The following OTUD7A variants were observed in gnomAD, a reference collection of about 807,000 sequenced individuals.
The protein encoded by OTUD7A is OTU deubiquitinase 7A, also known as OTU domain-containing protein 7A.
In OTUD7A, 12 loss-of-function variants were observed where a neutral mutation model predicts 65.7. The ratio of observed to expected loss-of-function variants is 0.18; its 90% confidence interval spans 0.12 to 0.30. The LOEUF (loss-of-function observed/expected upper bound fraction) is 0.30, where lower values mean the gene tolerates loss of function less well. Ranked by LOEUF, OTUD7A falls within the 10% of genes least tolerant of loss-of-function variation. OTUD7A has a pLI of 1.00. For synonymous variants in OTUD7A, 641 were observed against 586.3 expected (o/e 1.09, Z -1.35); for missense variants, 1,148 against 1,304.8 (o/e 0.88, Z 1.85).
intron 1 of OTUD7A, among the ~76,000 whole-genome samples, chr15:31,736,004 A>T (rs1204364108): frequency 6.6e-6 from 1 of 152,210 alleles, no homozygotes; most frequent in Non-Finnish European, 1.5e-5. Context: ...AGTGGGAGCT[A>T]AATGATGAGA....
intron 3 of OTUD7A, among the ~76,000 whole-genome samples, chr15:31,575,849 A>G (rs1889188591): frequency 6.6e-6 from 1 of 152,350 alleles, no homozygotes; most frequent in East Asian, 1.9e-4. Context: ...TAGTCCGTGA[A>G]GGGCATTAGT....
Position 31,483,445 on chromosome 15 carries a change from T to G in OTUD7A, c.2651A>C (p.Glu884Ala). The change falls in exon 13 of 13, where the codon GAG (glutamate) becomes GCG (alanine). Residue 884 changes from glutamate (E) to alanine (A), a missense_variant. Physicochemically the swap from Glu to Ala is moderately radical, Grantham distance 107 (BLOSUM62 -1). Around this residue, in one of 6 missense-constraint regions of OTUD7A, gnomAD observed 842 missense variants for 769.5 expected, o/e 1.09. Transcript: ENST00000307050. ...CGGCCCCGGGCCGCCACGGCCGCAC[T>G]CACCGTTCGAGCGCGCGGTCGGCGC... ...ADAPTARSNG[E>A]CGRGGPGPVQ... is the part of the protein sequence containing the mutation. 1.4e-6 allele frequency: 2 copies of G among 1,381,408 alleles called. No individual in the cohort carries two copies. The highest frequency in any genetic ancestry group is 1.9e-6 in the Non-Finnish European group (2 of 1,068,022). The allele number at this position is 1,381,408 out of a possible 1,614,324, so 85.6% of individuals were successfully genotyped here.
chr15:31,575,823 G>A (rs898507480), intron 3 of OTUD7A, among the ~76,000 whole-genome samples: 2 of 152,216 alleles, frequency 1.3e-5, no homozygotes, highest in African/African-American at 4.8e-5. Context: ...ACAAGCGGGA[G>A]GCAGAGAGCT....
Position 31,698,379 on chromosome 15 carries a change from TCTC to T in OTUD7A, c.-99-41305_-99-41303del, listed in dbSNP as rs140689081. ...AGAGTCATCCCTCCACCCCAGCTCTTCTCCTTCCAGTTCACCCAACCCATGTGG... is the reference window on the plus strand; with the variant it reads ...AGAGTCATCCCTCCACCCCAGCTCTTCTTCCAGTTCACCCAACCCATGTGG... On this transcript the variant is annotated intron_variant, in intron 1 of 12. Coordinates refer to ENST00000307050, the MANE Select transcript of OTUD7A (RefSeq NM_001382637.1). 6.2e-3 allele frequency among the ~76,000 whole-genome samples: 949 copies of T among 152,222 alleles called. 11 individuals are homozygous for T. Among genetic ancestry groups the T allele is most frequent in the African/African-American group, 0.022 (904 of 41,538 alleles).
intron 3 of OTUD7A, among the ~76,000 whole-genome samples, chr15:31,645,616 C>T (rs1430824141): frequency 6.6e-6 from 1 of 152,142 alleles, no homozygotes; most frequent in Non-Finnish European, 1.5e-5. Flanking sequence ...AGTAGTTATT[C>T]TTTAATATCA....
chr15:31,753,984 A>C (rs535247645), intron 1 of OTUD7A, among the ~76,000 whole-genome samples: 1 of 151,998 alleles, frequency 6.6e-6, no homozygotes, highest in South Asian at 2.1e-4. Context: ...TCCCACCAGC[A>C]GTGTAGAAGT....
At chr15:31,803,799 G>C (rs1896196305) in intron 1 of OTUD7A, among the ~76,000 whole-genome samples, 1 of 152,194 alleles carries the variant, frequency 6.6e-6, no homozygotes, top group African/African-American at 2.4e-5. Flanking sequence ...AAACAGCCCT[G>C]GTGGGGTAGG....
intron 1 of OTUD7A, among the ~76,000 whole-genome samples, chr15:31,850,574 T>TAAAG (rs35621407): frequency 6.6e-6 from 1 of 150,520 alleles, no homozygotes; most frequent in Non-Finnish European, 1.5e-5. Flanking sequence ...ATAATAATAA[T>TAAAG]AAAGAAAGAA....
Position 31,860,622 on chromosome 15 carries a change from G to GATAAATATACAT in OTUD7A, c.-100+9884_-100+9885insATGTATATTTAT, listed in dbSNP as rs59869625. Reference sequence around the variant, plus strand: ...TATTCTCCTCGACCCCAGAAGTGGAGATATATATATATATATATATATGTA... The same window carrying GATAAATATACAT: ...TATTCTCCTCGACCCCAGAAGTGGAGATAAATATACATATATATATATATATATATATATGTA... On this transcript the variant is annotated intron_variant, in intron 1 of 12. Coordinates refer to ENST00000307050, the MANE Select transcript of OTUD7A (RefSeq NM_001382637.1). 2.4e-3 allele frequency among the ~76,000 whole-genome samples: 64 copies of GATAAATATACAT among 26,854 alleles called. 6 individuals are homozygous for GATAAATATACAT. The highest frequency in any genetic ancestry group is 0.012 in the East Asian group (7 of 584). 17.6% of individuals were successfully genotyped at this position (26,854 alleles called of 152,430 possible). A position where few individuals can be genotyped will look rare whatever the true frequency, so the allele number is the denominator to read the frequency against.
Position 31,481,540 on chromosome 15 carries a change from G to A in OTUD7A, c.*1754C>T, listed in dbSNP as rs1415027444. On this transcript the variant is annotated 3_prime_UTR_variant, in exon 13 of 13. Transcript: ENST00000307050. Reference sequence around the variant, plus strand: ...ACACATTGAAAATATTGTTCAGCAGGAAAAGTAAAACTTTCAAAAAATTTC... The same window carrying A: ...ACACATTGAAAATATTGTTCAGCAGAAAAAGTAAAACTTTCAAAAAATTTC... The A allele has an allele frequency of 1.4e-5, 2 of 141,458 alleles. No individual in the cohort carries two copies. The highest frequency in any genetic ancestry group is 1.5e-4 in the Admixed American group (2 of 13,774). 8.8% of individuals were successfully genotyped at this position (141,458 alleles called of 1,614,324 possible). A position where few individuals can be genotyped will look rare whatever the true frequency, so the allele number is the denominator to read the frequency against.
intron 1 of OTUD7A, among the ~76,000 whole-genome samples, chr15:31,819,550 T>C (rs973816632): frequency 6.6e-6 from 1 of 152,220 alleles, no homozygotes; most frequent in African/African-American, 2.4e-5. Flanking sequence ...GAAGGACAGA[T>C]ACCAGTATTG....
At chr15:31,517,819 AG>A (rs2041880118) in intron 8 of OTUD7A, among the ~76,000 whole-genome samples, 1 of 152,146 alleles carries the variant, frequency 6.6e-6, no homozygotes, top group South Asian at 2.1e-4. Flanking sequence ...CTCAGGCCCC[AG>A]GGAACAGTTT....
At chr15:31,756,446 G>A (rs1339205356) in intron 1 of OTUD7A, among the ~76,000 whole-genome samples, 1 of 152,198 alleles carries the variant, frequency 6.6e-6, no homozygotes, top group Non-Finnish European at 1.5e-5. Flanking sequence ...TGTGGTCCCA[G>A]AGAAGGCCAT....
At chr15:31,517,998 T>C (rs1206515380) in intron 8 of OTUD7A, among the ~76,000 whole-genome samples, 4 of 152,134 alleles carry the variant, frequency 2.6e-5, no homozygotes, top group Non-Finnish European at 5.9e-5. Context: ...TCCCTCCCCA[T>C]ATCCCCTCCT....
intron 3 of OTUD7A, among the ~76,000 whole-genome samples, chr15:31,606,438 G>A (rs1418789653): frequency 1.3e-5 from 2 of 152,160 alleles, no homozygotes; most frequent in African/African-American, 4.8e-5. Flanking sequence ...TTTTGGAGTT[G>A]TTTAAAATAA....
chr15:31,685,719 C>T (rs1168937217), intron 1 of OTUD7A, among the ~76,000 whole-genome samples: 1 of 152,198 alleles, frequency 6.6e-6, no homozygotes, highest in African/African-American at 2.4e-5. Context: ...TTTGCTGGTT[C>T]CCTTACTGAT....
At chr15:31,703,522 G>A (rs1893260566) in intron 1 of OTUD7A, among the ~76,000 whole-genome samples, 1 of 151,918 alleles carries the variant, frequency 6.6e-6, no homozygotes, top group Non-Finnish European at 1.5e-5. Flanking sequence ...AACACAATGA[G>A]TTATCATTAC....
intron 3 of OTUD7A, among the ~76,000 whole-genome samples, chr15:31,616,144 C>T (rs1890578982): frequency 6.6e-6 from 1 of 152,226 alleles, no homozygotes; most frequent in Non-Finnish European, 1.5e-5. Context: ...ACTCATGCAG[C>T]ACTCCATCCC....
At chr15:31,572,869 A>G (rs1192534963) in intron 3 of OTUD7A, among the ~76,000 whole-genome samples, 1 of 152,178 alleles carries the variant, frequency 6.6e-6, no homozygotes, top group Non-Finnish European at 1.5e-5. Flanking sequence ...AGGGTTAAAG[A>G]AAAATGTTAG....
Sources: allele counts gnomAD v4.1 joint callset (sites outside exome capture counted in the v4.1 genomes callset), GRCh38; gene constraint gnomAD v4.1.1; regional missense constraint gnomAD v4.1.1; transcripts MANE v1.5; gene names NCBI Gene and HGNC (gene_info 2026-07-23, HGNC 2026-07-21).